Variants in CFAP92 observed in about 807,000 individuals in gnomAD.
The protein encoded by CFAP92 is uncharacterized protein CFAP92.
A neutral mutation model predicts 106.3 loss-of-function variants in CFAP92; 86 were observed. The ratio of observed to expected loss-of-function variants is 0.81; its 90% CI spans 0.68 to 0.97. CFAP92 has a LOEUF of 0.97. Ranked by LOEUF, CFAP92 falls within the 50% of genes least tolerant of loss-of-function variation. The probability of loss-of-function intolerance (pLI) is 0.00; values close to 1 mark genes in which losing one functional copy is unlikely to be tolerated. For missense variants in CFAP92, 1,204 were observed against 1,283.8 expected (o/e 0.94, Z 0.95); for synonymous variants, 477 against 506.4 (o/e 0.94, Z 0.78).
chr3:128,920,707 C>CAAAGGGTG, intron 12 of CFAP92, among the ~76,000 whole-genome samples: 1 of 152,174 alleles, frequency 6.6e-6, no homozygotes, highest in African/African-American at 2.4e-5. Context: ...AGCTCTGTTC[C>CAAAGGGTG]AAAGGGTGGA....
chr3:128,923,080 C>T (rs1197610462), intron 12 of CFAP92, among the ~76,000 whole-genome samples: 1 of 152,260 alleles, frequency 6.6e-6, no homozygotes, highest in Non-Finnish European at 1.5e-5. Context: ...CTCCCAGCTA[C>T]AGCCACAAAA....
chr3:128,993,300 G>C lies in CFAP92; in HGVS notation c.5C>G (p.Ser2Trp). 1 of 1,612,910 alleles carries C rather than the reference G, an allele frequency of 6.2e-7. No homozygotes were observed. The highest frequency in any genetic ancestry group is 1.1e-5 in the South Asian group (1 of 90,968). The change falls in exon 2 of 16, where the codon TCG (serine) becomes TGG (tryptophan). Residue 2 changes from serine to tryptophan, a missense_variant. By Grantham distance (177) the Ser-to-Trp change is radical. Coordinates refer to ENST00000645291, the MANE Select transcript of CFAP92 (RefSeq NM_001394090.1). Reference protein sequence around the residue: MSLHAWEWEEDP... With the variant: MWLHAWEWEEDP... Reference sequence around the variant, plus strand: ...CTCTTCCCACTCCCAGGCATGTAGCGACATGCTGCAGAGCGCACTGCTGGC... The same window carrying C: ...CTCTTCCCACTCCCAGGCATGTAGCCACATGCTGCAGAGCGCACTGCTGGC...
chr3:128,988,974 C>A, intron 2 of CFAP92, 56 bp from the exon 3 acceptor site: 1 of 1,362,232 alleles, frequency 7.3e-7, no homozygotes, highest in East Asian at 2.4e-5. Flanking sequence ...AAAGCAGACC[C>A]GTCTCCCCAG....
intron 4 of CFAP92, among the ~76,000 whole-genome samples, chr3:128,983,618 C>T (rs1312831669): frequency 1.3e-5 from 2 of 151,876 alleles, no homozygotes; most frequent in Non-Finnish European, 2.9e-5. Context: ...ATGAAAGACG[C>T]TACAAGAAAG....
At chr3:129,001,579 G>C in intron 1 of CFAP92, 3 of 1,347,086 alleles carry the variant, frequency 2.2e-6, no homozygotes, top group Non-Finnish European at 2.8e-6. Flanking sequence ...GAAGTGGCGG[G>C]GCGAAGGGAC....
intron 1 of CFAP92, among the ~76,000 whole-genome samples, chr3:128,999,364 C>T (rs1244699900): frequency 1.3e-5 from 2 of 152,074 alleles, no homozygotes; most frequent in African/African-American, 2.4e-5. Flanking sequence ...AGGCCGGCAA[C>T]GGCTCCCAGC....
chr3:128,971,432 A>C lies in CFAP92; in HGVS notation c.1023T>G (p.Ile341Met), dbSNP rs758797435. ...TNILDRQRSQ[I>M]KGKDSEGRRK... ...TTCTTCCCTCTGAATCTTTCCCTTT[A>C]ACTGTGAAATCAAACAAAGGAGATG... Residue 341 changes from isoleucine (I) to methionine (M), a missense_variant and splice_region_variant, in exon 8 of 16, where the codon ATT becomes ATG. By Grantham distance (10) the Ile-to-Met change is conservative. Coordinates refer to ENST00000645291, the MANE Select transcript of CFAP92 (RefSeq NM_001394090.1). 31 of 1,600,282 alleles carry C rather than the reference A, an allele frequency of 1.9e-5. No homozygotes were observed. The South Asian group carries it at 3.4e-4, about 17-fold the overall frequency.
At chr3:128,991,774 T>C (rs1944233373) in intron 2 of CFAP92, 4 of 999,776 alleles carry the variant, frequency 4.0e-6, no homozygotes, top group Non-Finnish European at 4.8e-6. Flanking sequence ...TTCCAACCCA[T>C]ACAAGAAACT....
chr3:128,911,182 G>A (rs1029867337), intron 15 of CFAP92, among the ~76,000 whole-genome samples: 1 of 152,088 alleles, frequency 6.6e-6, no homozygotes, highest in Non-Finnish European at 1.5e-5. Flanking sequence ...CCAGCCTCCC[G>A]AGTAGCTGGG....
chr3:128,931,063 AC>A (rs1414537497), intron 12 of CFAP92, among the ~76,000 whole-genome samples: 1 of 152,050 alleles, frequency 6.6e-6, no homozygotes, highest in African/African-American at 2.4e-5. Context: ...GCACCACGAC[AC>A]CCAGCTAATT....
chr3:128,961,982 A>G (rs1044586737), intron 9 of CFAP92, among the ~76,000 whole-genome samples: 1 of 152,206 alleles, frequency 6.6e-6, no homozygotes, highest in African/African-American at 2.4e-5. Flanking sequence ...AGCTTGCTAC[A>G]AGTGCCAGAA....
intron 10 of CFAP92, among the ~76,000 whole-genome samples, chr3:128,944,316 T>G (rs789236): frequency 0.17 from 25,604 of 152,078 alleles, 2,653 homozygotes; most frequent in East Asian, 0.55. Flanking sequence ...TTTTCACTTC[T>G]CCTGGGCTTA....
intron 2 of CFAP92, 28 bp from the exon 3 acceptor site, chr3:128,988,946 GT>G (rs1559936661): frequency 6.4e-7 from 1 of 1,567,416 alleles, no homozygotes; most frequent in Admixed American, 1.8e-5. Flanking sequence ...AAAAAGTCTC[GT>G]TTTAACCTCA....
chr3:128,961,297 T>C (rs1356870203), intron 9 of CFAP92, among the ~76,000 whole-genome samples: 2 of 151,988 alleles, frequency 1.3e-5, no homozygotes, highest in Non-Finnish European at 2.9e-5. Flanking sequence ...TCCTCCCAAA[T>C]CTTCCTTCTT....
chr3:128,992,848 G>C (rs1454108408), intron 2 of CFAP92, among the ~76,000 whole-genome samples, 195 bp downstream of exon 2: 1 of 152,162 alleles, frequency 6.6e-6, no homozygotes, highest in Non-Finnish European at 1.5e-5. Flanking sequence ...AGTATGTGAA[G>C]CTGATGCAGC....
chr3:128,998,940 C>T (rs941511050), upstream of CFAP92, among the ~76,000 whole-genome samples: 1 of 152,196 alleles, frequency 6.6e-6, no homozygotes, highest in Non-Finnish European at 1.5e-5. Flanking sequence ...AAAGTTCTTT[C>T]ATGCCCAAAT....
At position 128,933,014 on chromosome 3, in the gene CFAP92, C is replaced by G; in HGVS notation, c.2454-17G>C. 6.5e-7 allele frequency: 1 copy of G among 1,535,662 alleles called. No individual in the cohort carries two copies. The highest frequency in any genetic ancestry group is 8.7e-7 in the Non-Finnish European group (1 of 1,146,530). ...TCGTGGATCCTGGAACAAAGAACCA[C>G]TGCCCCACTGAACCTCTCCTACCTT... On this transcript the variant is annotated splice_polypyrimidine_tract_variant and intron_variant, in intron 11 of 15. Transcript: ENST00000645291.
chr3:128,939,876 C>A (rs1392060485), intron 10 of CFAP92, among the ~76,000 whole-genome samples: 2 of 152,222 alleles, frequency 1.3e-5, no homozygotes, highest in East Asian at 3.8e-4. Flanking sequence ...AATGCCACTG[C>A]TGATCTGACA....
At position 129,002,182 on chromosome 3, in the gene CFAP92, C is replaced by A. The variant is rs993155540; in HGVS notation, n.117+392G>T. The A allele has an allele frequency of 6.7e-6, 10 of 1,491,226 alleles. No homozygotes were observed. In the East Asian group the frequency reaches 1.9e-4, roughly 28 times the overall value. 92.4% of individuals were successfully genotyped at this position (1,491,226 alleles called of 1,614,324 possible). A position where few individuals can be genotyped will look rare whatever the true frequency, so the allele number is the denominator to read the frequency against. Reference sequence around the variant, plus strand: ...CGCCGTCCGCGCCGCCGCCGCCGCCCGCCCTGCGCGCCTGGCCCCGACAGC... The same window carrying A: ...CGCCGTCCGCGCCGCCGCCGCCGCCAGCCCTGCGCGCCTGGCCCCGACAGC... On this transcript the variant is annotated intron_variant and non_coding_transcript_variant, in intron 1 of 4. Transcript: ENST00000510149.
Sources: allele counts gnomAD v4.1 joint callset (sites outside exome capture counted in the v4.1 genomes callset), GRCh38; gene constraint gnomAD v4.1.1; transcripts MANE v1.5; gene names NCBI Gene and HGNC (gene_info 2026-07-23, HGNC 2026-07-21).